CD44: variants seen among roughly 807,000 people sequenced by gnomAD.
CD44 encodes the protein CD44 molecule (IN blood group).
A neutral mutation model predicts 88.8 loss-of-function variants in CD44; 49 were observed. The ratio of observed to expected loss-of-function variants is 0.55; its 90% CI spans 0.44 to 0.70. The LOEUF (loss-of-function observed/expected upper bound fraction) is 0.70, where lower values mean the gene tolerates loss of function less well. Ranked by LOEUF, CD44 falls within the 30% of genes least tolerant of loss-of-function variation. The pLI, the probability that CD44 is intolerant of heterozygous loss-of-function variation, is 0.00. For missense variants in CD44, 883 were observed against 913.8 expected (o/e 0.97, Z 0.43); for synonymous variants, 325 against 312.3 (o/e 1.04, Z -0.43).
In CD44 at chr11:35,184,809, C is replaced by T. The variant is rs550910182; in HGVS notation, c.368-2023C>T. ...CTTTAATTATTTCTTATGGCATTAC[C>T]ATTTAAGGATAATCTAAATGCGTGA... is the stretch of plus-strand genomic sequence containing the variant. On this transcript the variant is annotated intron_variant, in intron 3 of 17. Transcript: ENST00000428726. 3.3e-5 allele frequency among the ~76,000 whole-genome samples: 5 copies of T among 152,178 alleles called. No homozygotes were observed. In the East Asian group the frequency reaches 7.7e-4, roughly 24 times the overall value.
chr11:35,167,437 C>T (rs143656899), intron 1 of CD44, among the ~76,000 whole-genome samples: 233 of 152,260 alleles, frequency 1.5e-3, no homozygotes, highest in African/African-American at 5.3e-3. Flanking sequence ...AACAATAATG[C>T]TTTAAAACAA....
chr11:35,198,266 G>C lies in CD44; in HGVS notation c.922+20G>C, dbSNP rs1402817371. The C allele has an allele frequency of 1.1e-5, 17 of 1,610,544 alleles. No individual in the cohort carries two copies. The highest frequency in any genetic ancestry group is 1.4e-5 in the Non-Finnish European group (17 of 1,177,398). ...GCACCAGTAAGAATAATCAATTACA[G>C]TACAGCCATTTATGCAAGGCTTATT... is the stretch of plus-strand genomic sequence containing the variant. On this transcript the variant is annotated intron_variant, in intron 7 of 17. Transcript: ENST00000428726.
chr11:35,155,620 T>A (rs1271174762), intron 1 of CD44, among the ~76,000 whole-genome samples: 1 of 152,222 alleles, frequency 6.6e-6, no homozygotes, highest in Non-Finnish European at 1.5e-5. Flanking sequence ...AAATCTGTTA[T>A]AATTTACAAG....
At position 35,211,319 on chromosome 11, in the gene CD44, T is replaced by C; in HGVS notation, c.1680T>C (p.Tyr560=). The C allele has an allele frequency of 1.9e-6, 3 of 1,614,000 alleles. No individual in the cohort carries two copies. Among genetic ancestry groups the C allele is most frequent in the South Asian group, 1.1e-5 (1 of 91,076 alleles). Residue 560 remains tyrosine (Y), a synonymous_variant, in exon 14 of 18, where the codon TAT becomes TAC. Coordinates refer to ENST00000428726, the MANE Select transcript of CD44 (RefSeq NM_000610.4). ...GCTCAACTACTTTACTGGAAGGTTA[T>C]ACCTCTCATTACCCACACACGAAGG... ...SEGSTTLLEG[Y]TSHYPHTKES...
chr11:35,188,121 A>C (rs1945878646), intron 4 of CD44, among the ~76,000 whole-genome samples: 1 of 152,208 alleles, frequency 6.6e-6, no homozygotes, highest in South Asian at 2.1e-4. Context: ...CAGTGTTGAG[A>C]GGTCTGATTT....
Position 35,219,356 on chromosome 11 carries a change from C to G in CD44, c.1914C>G (p.Thr638=), listed in dbSNP as rs1416189884. The G allele has an allele frequency of 6.2e-7, 1 of 1,613,854 alleles. No individual in the cohort carries two copies. Among genetic ancestry groups the G allele is most frequent in the Non-Finnish European group, 8.5e-7 (1 of 1,179,846 alleles). The part of the protein sequence containing the change: ...HGSQEGGANT[T]SGPIRTPQIP... The stretch of plus-strand genomic sequence containing the variant: ...GTCAAGAAGGTGGAGCAAACACAAC[C>G]TCTGGTCCTATAAGGACACCCCAAA... The change falls in exon 16 of 18, where the codon ACC becomes ACG. Residue 638 remains threonine, a synonymous_variant. Coordinates refer to ENST00000428726, the MANE Select transcript of CD44 (RefSeq NM_000610.4).
At chr11:35,209,861 C>T (rs1948231586) in intron 12 of CD44, 104 bp from the exon 13 acceptor site, 1 of 699,218 alleles carries the variant, frequency 1.4e-6, no homozygotes, top group South Asian at 1.7e-5. Context: ...TTCCTATGCA[C>T]CTATCCATCT....
intron 15 of CD44, among the ~76,000 whole-genome samples, chr11:35,215,871 C>A (rs1948791639): frequency 6.7e-6 from 1 of 148,286 alleles, no homozygotes; most frequent in Non-Finnish European, 1.5e-5. Context: ...GACTCTGTCT[C>A]AAAAAAAACC....
chr11:35,142,026 G>A (rs1353986406), intron 1 of CD44, among the ~76,000 whole-genome samples: 1 of 152,166 alleles, frequency 6.6e-6, no homozygotes, highest in Non-Finnish European at 1.5e-5. Flanking sequence ...GCCAAATGTA[G>A]TTAAGTGACA....
At position 35,201,575 on chromosome 11, in the gene CD44, T is replaced by C; in HGVS notation, c.1037-96T>C. 7 of 1,481,878 alleles carry C rather than the reference T, an allele frequency of 4.7e-6. No homozygotes were observed. In the Admixed American group the frequency reaches 7.3e-5, roughly 15 times the overall value. The allele number at this position is 1,481,878 out of a possible 1,614,324, so 91.8% of individuals were successfully genotyped here. On this transcript the variant is annotated intron_variant, in intron 8 of 17. Transcript: ENST00000428726. ...GATGCTCAGAGGTAACACTTTGGCA[T>C]AGAATTGTTAAATAGCATGCACTTT...
At chr11:35,179,190 G>A (rs1282624879) in intron 2 of CD44, among the ~76,000 whole-genome samples, 1 of 152,184 alleles carries the variant, frequency 6.6e-6, no homozygotes, top group African/African-American at 2.4e-5. Context: ...GGGTCGTGCA[G>A]GGTGATGCAC....
Position 35,176,614 on chromosome 11 carries a change from T to C in CD44, c.107T>C (p.Val36Ala), listed in dbSNP as rs1229786084. ...ITCRFAGVFH[V>A]EKNGRYSISR... ...TGCCGCTTTGCAGGTGTATTCCACG[T>C]GGAGAAAAATGGTCGCTACAGCATC... The change falls in exon 2 of 18, where the codon GTG becomes GCG. Residue 36 changes from valine to alanine, a missense_variant. This residue lies in a region of CD44 where 252 missense variants were observed against 322.9 expected (regional missense o/e 0.78). Transcript: ENST00000428726. 1.2e-6 allele frequency: 2 copies of C among 1,614,136 alleles called. No individual in the cohort carries two copies. Among genetic ancestry groups the C allele is most frequent in the Non-Finnish European group, 1.7e-6 (2 of 1,179,990 alleles).
chr11:35,167,663 G>A (rs1943445232), intron 1 of CD44, among the ~76,000 whole-genome samples: 1 of 152,208 alleles, frequency 6.6e-6, no homozygotes, highest in African/African-American at 2.4e-5. Flanking sequence ...ACTCCCAGGA[G>A]CTCAATCACT....
intron 15 of CD44, 29 bp downstream of exon 15, chr11:35,214,943 C>CTGTTATAATCATTG: frequency 7.0e-7 from 1 of 1,425,582 alleles, no homozygotes; most frequent in Non-Finnish European, 9.5e-7. Context: ...TAGTCATTTA[C>CTGTTATAATCATTG]TGTTATAATC....
intron 17 of CD44, chr11:35,223,026 A>G (rs1027188889): frequency 5.1e-6 from 5 of 985,294 alleles, no homozygotes; most frequent in Non-Finnish European, 6.0e-6. Flanking sequence ...TGATGCTGTT[A>G]CAATAATTAC....
chr11:35,162,527 C>T (rs1166473198), intron 1 of CD44, among the ~76,000 whole-genome samples: 1 of 152,190 alleles, frequency 6.6e-6, no homozygotes, highest in African/African-American at 2.4e-5. Context: ...TTGGTCCAAA[C>T]CCTGTGACTT....
At chr11:35,208,273 G>A in intron 12 of CD44, 67 bp downstream of exon 12, 1 of 1,077,934 alleles carries the variant, frequency 9.3e-7, no homozygotes, top group Admixed American at 1.7e-5. Flanking sequence ...CTCGCTATTG[G>A]CCAAGATGCA....
chr11:35,155,960 A>C (rs1349569110), intron 1 of CD44, among the ~76,000 whole-genome samples: 2 of 152,206 alleles, frequency 1.3e-5, no homozygotes, highest in Admixed American at 1.3e-4. Context: ...TGAAAGTTTA[A>C]TGACTTCTGC....
At chr11:35,193,418 A>G (rs756216212) in intron 5 of CD44, among the ~76,000 whole-genome samples, 3 of 152,248 alleles carry the variant, frequency 2.0e-5, no homozygotes, top group South Asian at 2.1e-4. Context: ...ATATAGATAG[A>G]GTCAAAGTTT....
Sources: gnomAD v4.1 joint callset for allele counts (sites outside exome capture counted in the v4.1 genomes callset) on GRCh38, gnomAD v4.1.1 for gene constraint, gnomAD v4.1.1 regional missense constraint, MANE v1.5 for transcripts, NCBI Gene and HGNC (gene_info 2026-07-23, HGNC 2026-07-21) for gene names.